RANBP3L: variants seen among roughly 807,000 people sequenced by gnomAD.
The protein encoded by RANBP3L is RAN binding protein 3 like.
A neutral mutation model predicts 67.2 loss-of-function variants in RANBP3L; 56 were observed. That is an observed-to-expected ratio of 0.83 (90% CI 0.67 to 1.04). The LOEUF is 1.04. Ranked by LOEUF, RANBP3L falls within the 50% of genes least tolerant of loss-of-function variation. RANBP3L has a pLI of 0.00. For missense variants in RANBP3L, 496 were observed against 535.5 expected, an observed-to-expected ratio of 0.93 and a Z score of 0.73; for synonymous variants, 164 against 181.4, an observed-to-expected ratio of 0.90 and a Z score of 0.77.
intron 1 of RANBP3L, among the ~76,000 whole-genome samples, chr5:36,298,265 A>T (rs1189540878): frequency 6.7e-6 from 1 of 149,912 alleles, no homozygotes; most frequent in Admixed American, 6.7e-5. Context: ...ATGCCACTGC[A>T]CTCCAGCCTG....
chr5:36,272,568 A>C (rs949955621), intron 1 of RANBP3L, among the ~76,000 whole-genome samples: 1 of 152,178 alleles, frequency 6.6e-6, no homozygotes, highest in Admixed American at 6.5e-5. Context: ...TCCTAGAGCC[A>C]TGTGAATTTG....
chr5:36,297,426 T>TAC (rs35651432), intron 1 of RANBP3L, among the ~76,000 whole-genome samples: 90,051 of 148,782 alleles, frequency 0.61, 27,877 homozygotes, highest in African/African-American at 0.73. Flanking sequence ...GTCACCTGTA[T>TAC]ACACACACAC....
intron 9 of RANBP3L, 69 bp from the exon 10 acceptor site, chr5:36,257,140 C>G (rs1371002214): frequency 7.5e-7 from 1 of 1,340,882 alleles, no homozygotes; most frequent in Non-Finnish European, 1.0e-6. Context: ...CTTTGTTGCC[C>G]CTATTACCAC....
rs761306231 is a variant in RANBP3L, at chr5:36,255,599, C to T, written c.904-9G>A. The stretch of plus-strand genomic sequence containing the variant: ...AAAAGCTTGCAGTTTATCTAAATGA[C>T]AATTTTTTAAAATGTCAAATATATA... On this transcript the variant is annotated splice_polypyrimidine_tract_variant and intron_variant, in intron 10 of 13. Transcript: ENST00000296604. The T allele has an allele frequency of 1.3e-6, 2 of 1,595,268 alleles. No individual in the cohort carries two copies. Among genetic ancestry groups the T allele is most frequent in the South Asian group, 1.1e-5 (1 of 87,984 alleles).
At chr5:36,279,635 CATGTTGAAG>C (rs1471305024) in intron 1 of RANBP3L, among the ~76,000 whole-genome samples, 1 of 152,162 alleles carries the variant, frequency 6.6e-6, no homozygotes, top group Non-Finnish European at 1.5e-5. Flanking sequence ...CCTGATCATA[CATGTTGAAG>C]ATGTAACCAA....
At chr5:36,281,334 T>C (rs1750956805) in intron 1 of RANBP3L, among the ~76,000 whole-genome samples, 1 of 152,182 alleles carries the variant, frequency 6.6e-6, no homozygotes, top group Admixed American at 6.5e-5. Flanking sequence ...TATTACATGA[T>C]ATGATCCTCA....
chr5:36,251,372 T>G lies in RANBP3L; in HGVS notation c.1295A>C (p.Asn432Thr). Residue 432 changes from asparagine (N) to threonine (T), a missense_variant, in exon 13 of 14, where the codon AAC becomes ACC. Physicochemically the swap from Asn to Thr is moderately conservative, Grantham distance 65. Transcript: ENST00000296604. ...CTCATTCTCATCACAGCTTTCGCAG[T>G]TCAATTGTTGGGCTGTTTCTGACAG... ...ESLSETAQQL[N>T]CESCDENEDD... 1.2e-6 allele frequency: 2 copies of G among 1,613,482 alleles called. No individual in the cohort carries two copies. The highest frequency in any genetic ancestry group is 1.7e-6 in the Non-Finnish European group (2 of 1,179,616).
intron 1 of RANBP3L, among the ~76,000 whole-genome samples, chr5:36,289,115 G>T (rs939467833): frequency 2.6e-5 from 4 of 151,664 alleles, no homozygotes; most frequent in African/African-American, 9.7e-5. Flanking sequence ...TAGGTATTGT[G>T]GTTCATTTTC....
intron 1 of RANBP3L, among the ~76,000 whole-genome samples, chr5:36,291,345 A>G (rs2112107799): frequency 6.7e-6 from 1 of 149,126 alleles, no homozygotes; most frequent in African/African-American, 2.5e-5. Flanking sequence ...TTATTTTTTA[A>G]TTTTTTATTT....
At chr5:36,268,814 T>C (rs1749997263) in intron 4 of RANBP3L, among the ~76,000 whole-genome samples, 1 of 151,958 alleles carries the variant, frequency 6.6e-6, no homozygotes, top group Non-Finnish European at 1.5e-5. Context: ...GTTCAAGAGA[T>C]TCTCCTGCCC....
At chr5:36,285,054 C>T (rs1192014402) in intron 1 of RANBP3L, among the ~76,000 whole-genome samples, 1 of 152,072 alleles carries the variant, frequency 6.6e-6, no homozygotes, top group Non-Finnish European at 1.5e-5. Context: ...GGCTGAAGAC[C>T]CCAGCTCTGA....
Position 36,270,825 on chromosome 5 carries a change from C to T in RANBP3L, c.150+428G>A, listed in dbSNP as rs762645112. On this transcript the variant is annotated intron_variant, in intron 2 of 13. Coordinates refer to ENST00000296604, the MANE Select transcript of RANBP3L (RefSeq NM_145000.5). ...TAATCTTACTGTTAGTCTTTCAAAACGAATGATTTTATTATGATGCCAAAA... is the reference window on the plus strand; with the variant it reads ...TAATCTTACTGTTAGTCTTTCAAAATGAATGATTTTATTATGATGCCAAAA... 5.3e-5 allele frequency among the ~76,000 whole-genome samples: 8 copies of T among 152,114 alleles called. No individual in the cohort carries two copies. In the South Asian group the frequency reaches 6.2e-4, roughly 12 times the overall value.
Position 36,247,752 on chromosome 5 carries a change from C to G in RANBP3L, c.*1902G>C, listed in dbSNP as rs776462811. On this transcript the variant is annotated 3_prime_UTR_variant, in exon 14 of 14. Transcript: ENST00000296604. ...TACAAAAATTAGCCAGGTATGATGG[C>G]GGGCGCCTGTAATCCCAGCTACTCA... Among the ~76,000 whole-genome samples, 2 of 152,114 alleles carry G rather than the reference C, an allele frequency of 1.3e-5. No homozygotes were observed. Among genetic ancestry groups the G allele is most frequent in the Non-Finnish European group, 2.9e-5 (2 of 68,014 alleles).
At chr5:36,265,155 C>T (rs1749674050) in intron 5 of RANBP3L, 57 bp from the exon 6 acceptor site, 2 of 1,080,430 alleles carry the variant, frequency 1.9e-6, no homozygotes, top group South Asian at 1.7e-5. Flanking sequence ...TCCTTTACTC[C>T]CTATTTTTAA....
Position 36,294,884 on chromosome 5 carries a change from A to G in RANBP3L, c.91+6442T>C, listed in dbSNP as rs111336354. ...TCATACATATATAGTGTATATATAC[A>G]CTATATATACATATATGTGTGTATA... On this transcript the variant is annotated intron_variant, in intron 1 of 13. Coordinates refer to ENST00000296604, the MANE Select transcript of RANBP3L (RefSeq NM_145000.5). Among the ~76,000 whole-genome samples, 3 of 148,392 alleles carry G rather than the reference A, an allele frequency of 2.0e-5. No homozygotes were observed. The Admixed American group carries it at 2.0e-4, about 10-fold the overall frequency.
intron 8 of RANBP3L, among the ~76,000 whole-genome samples, chr5:36,257,773 C>T (rs1340264046): frequency 2.6e-5 from 4 of 151,974 alleles, no homozygotes; most frequent in Non-Finnish European, 4.4e-5. Context: ...ATCTAGTTAC[C>T]ACCAGCCTAC....
intron 1 of RANBP3L, among the ~76,000 whole-genome samples, chr5:36,288,732 C>T (rs1180375785): frequency 6.6e-6 from 1 of 152,156 alleles, no homozygotes; most frequent in African/African-American, 2.4e-5. Flanking sequence ...TAACGTTGAA[C>T]ATCTTTTGAT....
rs569403043 is a variant in RANBP3L at position 36,268,337 on chromosome 5, G to A, written c.268+1053C>T. The A allele has an allele frequency of 3.7e-5, 42 of 1,125,730 alleles. No homozygotes were observed. The Middle Eastern group carries it at 1.0e-3, about 27-fold the overall frequency. The allele number at this position is 1,125,730 out of a possible 1,614,324, so 69.7% of individuals were successfully genotyped here. ...TTGTTTTGTTTTCATTTGGAGTTTT[G>A]CTGTTTTGGAAAAATTTCTGTATCA... On this transcript the variant is annotated intron_variant, in intron 4 of 13. Transcript: ENST00000296604.
At chr5:36,268,899 A>G (rs1234500242) in intron 4 of RANBP3L, among the ~76,000 whole-genome samples, 1 of 151,860 alleles carries the variant, frequency 6.6e-6, no homozygotes, top group Non-Finnish European at 1.5e-5. Flanking sequence ...TTTAGTAGAG[A>G]TGGGGTTTCA....
Sources: gnomAD v4.1 joint callset for allele counts (sites outside exome capture counted in the v4.1 genomes callset) on GRCh38, gnomAD v4.1.1 for gene constraint, MANE v1.5 for transcripts, NCBI Gene and HGNC (gene_info 2026-07-23, HGNC 2026-07-21) for gene names.